TFPT: variants seen among roughly 807,000 people sequenced by gnomAD.
TFPT encodes the protein INO80 complex subunit F.
In TFPT, 27 loss-of-function variants were observed where a neutral mutation model predicts 28.8. That is an observed-to-expected ratio of 0.94 (90% CI 0.69 to 1.29). The LOEUF is 1.29. Among genes scored for constraint, TFPT ranks in the 50% most tolerant of loss-of-function variants. The probability of loss-of-function intolerance (pLI) is 0.00; values close to 1 mark genes in which losing one functional copy is unlikely to be tolerated. For missense variants in TFPT, 330 were observed against 338.0 expected (o/e 0.98, Z 0.19); for synonymous variants, 152 against 142.8 (o/e 1.06, Z -0.46).
At chr19:54,115,056 T>C in intron 1 of TFPT, 191 bp downstream of exon 1, 1 of 850,330 alleles carries the variant, frequency 1.2e-6, no homozygotes. Flanking sequence ...GTCTGTCAGA[T>C]CCAGCAGTCC....
rs2073552441 is a variant in TFPT, at chr19:54,114,442, C to T, written c.282G>A (p.Gln94=). Residue 94 remains glutamine (Q), a splice_region_variant and synonymous_variant, in exon 2 of 6, where the codon CAG becomes CAA. Coordinates refer to ENST00000391759, the MANE Select transcript of TFPT (RefSeq NM_013342.4). The stretch of plus-strand genomic sequence containing the variant: ...AACCGGGGGATCCGCACTCACCTAC[C>T]TGCTCGATCTCCCGGCAGCGCCGAC... ...ALGRRCREIE[Q]VNERVLNRLH... is the part of the protein sequence containing the mutation. 1 of 1,612,228 alleles carries T rather than the reference C, an allele frequency of 6.2e-7. No individual in the cohort carries two copies. Among genetic ancestry groups the T allele is most frequent in the Non-Finnish European group, 8.5e-7 (1 of 1,179,254 alleles).
intron 2 of TFPT, 132 bp from the exon 3 acceptor site, chr19:54,110,253 C>T (rs1481935628): frequency 3.4e-6 from 3 of 884,964 alleles, no homozygotes; most frequent in Non-Finnish European, 3.6e-6. Flanking sequence ...GTCCTTCCAC[C>T]TTCCCATCCC....
chr19:54,108,704 C>A, intron 3 of TFPT: 1 of 1,047,638 alleles, frequency 9.5e-7, no homozygotes, highest in Non-Finnish European at 1.3e-6. Context: ...AATGTGATGT[C>A]AGCACTTAGT....
rs587616021 is a variant in TFPT, at chr19:54,115,158, C to T, written c.23+89G>A. 1.2e-5 allele frequency: 19 copies of T among 1,591,272 alleles called. No homozygotes were observed. The East Asian group carries it at 3.1e-4, about 26-fold the overall frequency. On this transcript the variant is annotated intron_variant, in intron 1 of 5. Coordinates refer to ENST00000391759, the MANE Select transcript of TFPT (RefSeq NM_013342.4). ...TGCATGAACTACAACCCCCATCAGA[C>T]CTCAGCGTAAAAGCTCATATGGTTG... is the stretch of plus-strand genomic sequence containing the variant.
intron 3 of TFPT, chr19:54,108,599 A>C: frequency 6.5e-7 from 1 of 1,549,312 alleles, no homozygotes; most frequent in Non-Finnish European, 8.7e-7. Context: ...AACCATTCTG[A>C]GGCTGAGTTT....
chr19:54,114,364 A>G, intron 2 of TFPT, 78 bp downstream of exon 2: 4 of 1,539,384 alleles, frequency 2.6e-6, no homozygotes, highest in Non-Finnish European at 3.5e-6. Flanking sequence ...AAGGCTGGGC[A>G]TGTGGAAAGG....
chr19:54,115,640 C>T lies in TFPT; in HGVS notation c.-371G>A. 1 of 410,080 alleles carries T rather than the reference C, an allele frequency of 2.4e-6. No homozygotes were observed. 25.4% of individuals were successfully genotyped at this position (410,080 alleles called of 1,614,324 possible). On this transcript the variant is annotated 5_prime_UTR_variant, in exon 1 of 6. Coordinates refer to ENST00000391759, the MANE Select transcript of TFPT (RefSeq NM_013342.4). The stretch of plus-strand genomic sequence containing the variant: ...CTCGCGGCTTACCGCCTCTCTCCGC[C>T]TAGTGCCAGGTGCTAATAAAGTTGT...
At chr19:54,114,759 A>T in intron 1 of TFPT, 59 bp from the exon 2 acceptor site, 1 of 1,481,814 alleles carries the variant, frequency 6.7e-7, no homozygotes, top group Non-Finnish European at 8.9e-7. Flanking sequence ...CCCTTCTCCC[A>T]CTGAACCAGG....
chr19:54,110,703 A>G (rs2073429189), intron 2 of TFPT, among the ~76,000 whole-genome samples: 1 of 150,630 alleles, frequency 6.6e-6, no homozygotes, highest in South Asian at 2.1e-4. Flanking sequence ...TTCTGTTTCA[A>G]AAAAAAAAAT....
rs772604856 is a variant in TFPT, at chr19:54,110,034, G to T, written c.353+17C>A. 2 of 1,613,086 alleles carry T rather than the reference G, an allele frequency of 1.2e-6. No individual in the cohort carries two copies. Among genetic ancestry groups the T allele is most frequent in the South Asian group, 1.1e-5 (1 of 91,064 alleles). ...AGCTGAGGCTCACAGGCCCAGAGGG[G>T]ACAGAGAAGGGGTTACCTCCGTTCC... On this transcript the variant is annotated intron_variant, in intron 3 of 5. Transcript: ENST00000391759.
rs1270547549 is a variant in TFPT at position 54,109,788 on chromosome 19, G to A, written c.353+263C>T. Among the ~76,000 whole-genome samples the A allele has an allele frequency of 3.2e-4, 9 of 27,798 alleles. 1 individual carries two copies. Among genetic ancestry groups the A allele is most frequent in the African/African-American group, 8.7e-4 (6 of 6,906 alleles). 18.2% of individuals were successfully genotyped at this position (27,798 alleles called of 152,430 possible). On this transcript the variant is annotated intron_variant, in intron 3 of 5. Transcript: ENST00000391759. ...TCCTGCTGTTCCCTCCCTTCAGGGG[G>A]AGGATGCCCTCCACCCGGCCCTCCC...
chr19:54,107,994 A>C (rs951406749), intron 5 of TFPT, 32 bp downstream of exon 5: 1 of 1,506,492 alleles, frequency 6.6e-7, no homozygotes, highest in Non-Finnish European at 8.9e-7. Context: ...CTGGAGCCCC[A>C]GTCCCTCCCC....
chr19:54,114,713 G>A lies in TFPT; in HGVS notation c.24-13C>T, dbSNP rs2073567533. The A allele has an allele frequency of 4.4e-6, 7 of 1,608,166 alleles. No individual in the cohort carries two copies. The highest frequency in any genetic ancestry group is 5.9e-6 in the Non-Finnish European group (7 of 1,178,228). On this transcript the variant is annotated splice_polypyrimidine_tract_variant and intron_variant, in intron 1 of 5. Transcript: ENST00000391759. ...GGCTGCCATGGTCCTGAGAGGCAGG[G>A]AAAGGCTCAGGGGCCCTGGATCCTG...
At chr19:54,110,272 C>T in intron 2 of TFPT, 151 bp from the exon 3 acceptor site, 4 of 777,466 alleles carry the variant, frequency 5.1e-6, no homozygotes, top group Middle Eastern at 2.3e-4. Context: ...CCTCCGGCTC[C>T]CCTCTCACCA....
intron 1 of TFPT, 190 bp downstream of exon 1, chr19:54,115,057 C>A: frequency 2.3e-6 from 2 of 856,546 alleles, no homozygotes; most frequent in Non-Finnish European, 3.6e-6. Flanking sequence ...TCTGTCAGAT[C>A]CAGCAGTCCA....
intron 2 of TFPT, among the ~76,000 whole-genome samples, chr19:54,112,010 C>T (rs1359116231): frequency 1.3e-5 from 2 of 152,020 alleles, no homozygotes; most frequent in African/African-American, 4.8e-5. Context: ...TTGGCTCTGG[C>T]TTGGCACAGT....
intron 3 of TFPT, chr19:54,108,705 A>G (rs1330286085): frequency 4.8e-6 from 5 of 1,039,320 alleles, no homozygotes; most frequent in Non-Finnish European, 6.8e-6. Flanking sequence ...ATGTGATGTC[A>G]GCACTTAGTA....
intron 5 of TFPT, chr19:54,107,650 C>G (rs1489290256): frequency 2.6e-5 from 8 of 309,860 alleles, no homozygotes; most frequent in Admixed American, 4.6e-5. Context: ...GCTTTCCTCC[C>G]CACACTGGGC....
chr19:54,111,601 A>ACCC (rs1249048840), intron 2 of TFPT, among the ~76,000 whole-genome samples: 1 of 150,166 alleles, frequency 6.7e-6, no homozygotes, highest in Non-Finnish European at 1.5e-5. Context: ...AATCGCTTGA[A>ACCC]CCCAGGAGCT....
Sources: gnomAD v4.1 joint callset for allele counts (sites outside exome capture counted in the v4.1 genomes callset) on GRCh38, gnomAD v4.1.1 for gene constraint, MANE v1.5 for transcripts, NCBI Gene and HGNC (gene_info 2026-07-23, HGNC 2026-07-21) for gene names.